EMID1: variants seen among roughly 807,000 people sequenced by gnomAD.
EMID1 encodes EMI domain containing 1.
Under a neutral mutation model 60.6 loss-of-function variants are expected in EMID1, and 40 were observed. The observed-to-expected ratio is 0.66, with a 90% CI of 0.51 to 0.86. EMID1 has a LOEUF of 0.86. EMID1 is among the 40% of genes least tolerant of loss of function. The pLI is 0.00. For synonymous variants in EMID1, 242 were observed against 231.0 expected (o/e 1.05, Z -0.43); for missense variants, 585 against 597.1 (o/e 0.98, Z 0.21).
chr22:29,215,196 C>T lies in EMID1; in HGVS notation c.215+157C>T, dbSNP rs115966905. On this transcript the variant is annotated intron_variant, in intron 2 of 14. Coordinates refer to ENST00000334018, the MANE Select transcript of EMID1 (RefSeq NM_133455.4). ...CAGCCGACACCATTCTCAGCCTATC[C>T]CCTGTGCTGTTGAAGCACCCTGGAG... 2.5e-4 allele frequency: 243 copies of T among 985,400 alleles called. 1 individual carries two copies. In the African/African-American group the frequency reaches 4.0e-3, roughly 16 times the overall value. The allele number at this position is 985,400 out of a possible 1,614,324, so 61.0% of individuals were successfully genotyped here.
chr22:29,209,480 G>A (rs1049269049), intron 1 of EMID1, among the ~76,000 whole-genome samples: 1 of 152,162 alleles, frequency 6.6e-6, no homozygotes, highest in Non-Finnish European at 1.5e-5. Flanking sequence ...GGAGCACATG[G>A]GGATGGGTCC....
At position 29,231,675 on chromosome 22, in the gene EMID1, C is replaced by G; in HGVS notation, c.669C>G (p.Gly223=). 6.8e-7 allele frequency: 1 copy of G among 1,465,682 alleles called. No homozygotes were observed. Among genetic ancestry groups the G allele is most frequent in the African/African-American group, 1.4e-5 (1 of 70,728 alleles). The allele number at this position is 1,465,682 out of a possible 1,614,324, so 90.8% of individuals were successfully genotyped here. The change falls in exon 7 of 15, where the codon GGC becomes GGG. Residue 223 remains glycine (G), a synonymous_variant. Transcript: ENST00000334018. ...AGSRGPMGMR[G]PPGPQGPPGS... The stretch of plus-strand genomic sequence containing the variant: ...GTCGGGGCCCAATGGGGATGAGAGG[C>G]CCACCAGGTGAGTGCCCGCAATGCT...
Position 29,232,245 on chromosome 22 carries a change from T to C in EMID1, c.677-11T>C. On this transcript the variant is annotated splice_polypyrimidine_tract_variant and intron_variant, in intron 7 of 14. Transcript: ENST00000334018. ...CCTGTATACCCACAAATCCGTGTGA[T>C]TCCATTGCAGGTCCACAGGGCCCCC... 6.2e-7 allele frequency: 1 copy of C among 1,611,374 alleles called. No homozygotes were observed. Among genetic ancestry groups the C allele is most frequent in the Non-Finnish European group, 8.5e-7 (1 of 1,179,580 alleles).
intron 3 of EMID1, among the ~76,000 whole-genome samples, chr22:29,224,700 A>C (rs528618564): frequency 1.3e-5 from 2 of 152,326 alleles, no homozygotes; most frequent in East Asian, 3.9e-4. Context: ...GGCCCTTTGC[A>C]TTCATGGCCG....
chr22:29,231,331 G>A (rs959275974), intron 6 of EMID1, 191 bp downstream of exon 6: 3 of 952,174 alleles, frequency 3.2e-6, no homozygotes, highest in African/African-American at 1.6e-5. Context: ...TGCAGTCCCT[G>A]GAGACCAAGC....
intron 4 of EMID1, 165 bp from the exon 5 acceptor site, chr22:29,226,325 T>C: frequency 1.5e-6 from 1 of 656,210 alleles, no homozygotes; most frequent in Non-Finnish European, 2.4e-6. Context: ...GAGGTCCCCC[T>C]GGACCCACTG....
At chr22:29,233,924 CACA>C in intron 10 of EMID1, 1 of 666,872 alleles carries the variant, frequency 1.5e-6, no homozygotes, top group Non-Finnish European at 2.5e-6. Flanking sequence ...CTTGTGCCAG[CACA>C]TGGCAATGAG....
chr22:29,228,736 G>A (rs748353547), intron 5 of EMID1, among the ~76,000 whole-genome samples: 3 of 152,018 alleles, frequency 2.0e-5, no homozygotes, highest in African/African-American at 4.8e-5. Flanking sequence ...CTGGCATTAC[G>A]GACATGTGCC....
intron 14 of EMID1, 27 bp from the exon 15 acceptor site, chr22:29,258,790 G>T: frequency 6.2e-7 from 1 of 1,612,456 alleles, no homozygotes; most frequent in Non-Finnish European, 8.5e-7. Context: ...CCTCTAATGT[G>T]GCCTCTCTCC....
intron 14 of EMID1, chr22:29,255,598 C>T (rs1053917781): frequency 2.0e-5 from 8 of 390,580 alleles, no homozygotes; most frequent in Non-Finnish European, 3.7e-5. Context: ...ATAAGACAGA[C>T]ACAGTCCTGC....
At chr22:29,254,091 G>A in intron 13 of EMID1, 112 bp from the exon 14 acceptor site, 1 of 1,577,944 alleles carries the variant, frequency 6.3e-7, no homozygotes. Context: ...GCTGTGGCAG[G>A]TAGTGTGGGG....
chr22:29,221,923 G>T (rs1309562184), intron 3 of EMID1, among the ~76,000 whole-genome samples: 1 of 151,816 alleles, frequency 6.6e-6, no homozygotes, highest in Non-Finnish European at 1.5e-5. Context: ...ATTTAAATTT[G>T]CAATTACTTT....
chr22:29,233,098 C>T, intron 8 of EMID1: 2 of 479,610 alleles, frequency 4.2e-6, no homozygotes, highest in Non-Finnish European at 7.5e-6. Context: ...TATTGTCATT[C>T]CCATTTGACA....
Position 29,215,229 on chromosome 22 carries a change from T to G in EMID1, c.215+190T>G, listed in dbSNP as rs2040040871. On this transcript the variant is annotated intron_variant, in intron 2 of 14. Transcript: ENST00000334018. ...TGTTGAAGCACCCTGGAGGGCTTCC[T>G]GAGGGATGGATACACCATTTGCCTG... 5 of 985,424 alleles carry G rather than the reference T, an allele frequency of 5.1e-6. No individual in the cohort carries two copies. The Admixed American group carries it at 2.5e-4, about 48-fold the overall frequency. 61.0% of individuals were successfully genotyped at this position (985,424 alleles called of 1,614,324 possible). A position where few individuals can be genotyped will look rare whatever the true frequency, so the allele number is the denominator to read the frequency against.
At chr22:29,216,572 A>G (rs2040090297) in intron 3 of EMID1, 1 of 985,310 alleles carries the variant, frequency 1.0e-6, no homozygotes, top group African/African-American at 1.7e-5. Context: ...CGGAAACACA[A>G]ATGTGCGAAA....
chr22:29,232,151 CCT>C (rs2040771310), intron 7 of EMID1, 103 bp from the exon 8 acceptor site: 2 of 1,375,066 alleles, frequency 1.5e-6, no homozygotes, highest in African/African-American at 1.4e-5. Flanking sequence ...ACTCCGGGGC[CCT>C]CTCTCATGCC....
chr22:29,239,691 G>A lies in EMID1; in HGVS notation c.1075-3754G>A, dbSNP rs143968969. Among the ~76,000 whole-genome samples, 435 of 152,086 alleles carry A rather than the reference G, an allele frequency of 2.9e-3. 2 individuals carry two copies. The highest frequency in any genetic ancestry group is 9.6e-3 in the African/African-American group (397 of 41,484). On this transcript the variant is annotated intron_variant, in intron 12 of 14. Transcript: ENST00000334018. Reference sequence around the variant, plus strand: ...TGTGCAAAAGAACTGCAGTAGATAGGCCTTTAGTAATGTAGTGAGAAGGTA... The same window carrying A: ...TGTGCAAAAGAACTGCAGTAGATAGACCTTTAGTAATGTAGTGAGAAGGTA...
chr22:29,244,665 A>G (rs1306059622), intron 13 of EMID1, among the ~76,000 whole-genome samples: 10 of 149,910 alleles, frequency 6.7e-5, no homozygotes, highest in Middle Eastern at 3.2e-3. Context: ...AAGAAAAGAA[A>G]ATAGAAACCT....
At chr22:29,255,194 AC>A (rs1422113381) in intron 14 of EMID1, 2 of 81,124 alleles carry the variant, frequency 2.5e-5, no homozygotes, top group Non-Finnish European at 6.1e-5. Context: ...GTGCCCTCCC[AC>A]CCTCCCCGCT....
Sources: allele counts gnomAD v4.1 joint callset (sites outside exome capture counted in the v4.1 genomes callset), GRCh38; gene constraint gnomAD v4.1.1; transcripts MANE v1.5; gene names NCBI Gene and HGNC (gene_info 2026-07-23, HGNC 2026-07-21).